CDS2: variants seen among roughly 807,000 people sequenced by gnomAD.
The protein encoded by CDS2 is phosphatidate cytidylyltransferase 2.
CDS2 carries 47 observed loss-of-function variants against 59.0 expected under a neutral mutation model. That is an observed-to-expected ratio of 0.80 (90% confidence interval 0.63 to 1.02). The LOEUF is 1.02. Ranked by LOEUF, CDS2 falls within the 50% of genes least tolerant of loss-of-function variation. The probability of loss-of-function intolerance (pLI) is 0.00; values close to 1 mark genes in which losing one functional copy is unlikely to be tolerated. For synonymous variants in CDS2, 207 were observed against 206.4 expected, an observed-to-expected ratio of 1.00 and a Z score of -0.02; for missense variants, 356 against 558.9, an observed-to-expected ratio of 0.64 and a Z score of 3.66.
chr20:5,144,806 G>A (rs1306504366), intron 1 of CDS2, among the ~76,000 whole-genome samples: 13 of 152,032 alleles, frequency 8.6e-5, no homozygotes, highest in Admixed American at 8.5e-4. Context: ...AATGTTAACT[G>A]CAGAGGGTTT....
rs541733288 is a variant in CDS2, at chr20:5,184,646, G to A, written c.672-212G>A. Among the ~76,000 whole-genome samples the A allele has an allele frequency of 2.0e-5, 3 of 152,300 alleles. No individual in the cohort carries two copies. The highest frequency in any genetic ancestry group is 2.0e-4 in the Admixed American group (3 of 15,298). On this transcript the variant is annotated intron_variant, in intron 7 of 12. Coordinates refer to ENST00000460006, the MANE Select transcript of CDS2 (RefSeq NM_003818.4). This position sits in a 1 kb window ranked among gnomAD's most constrained non-coding sequence, Gnocchi z 4.3. The stretch of plus-strand genomic sequence containing the variant: ...TTAGTTTGCAACCTCCACTTATTCA[G>A]TAGTCATTCAGTAAACACTTGAATA...
intron 1 of CDS2, among the ~76,000 whole-genome samples, chr20:5,159,572 T>C (rs2090861159): frequency 6.6e-6 from 1 of 152,194 alleles, no homozygotes; most frequent in African/African-American, 2.4e-5. Flanking sequence ...TTTAGGTGTT[T>C]TGATGTTCAT....
At chr20:5,183,245 A>G in intron 7 of CDS2, 102 bp downstream of exon 7, 2 of 938,628 alleles carry the variant, frequency 2.1e-6, no homozygotes. Context: ...CCACATCAGA[A>G]TCCTCTGCAG....
At chr20:5,138,888 A>C (rs751548255) in intron 1 of CDS2, among the ~76,000 whole-genome samples, 9 of 152,170 alleles carry the variant, frequency 5.9e-5, no homozygotes, top group Non-Finnish European at 1.2e-4. Context: ...GCAGATTCAC[A>C]GATATTTTTT....
At chr20:5,178,597 G>C (rs971688662) in intron 4 of CDS2, among the ~76,000 whole-genome samples, 1 of 152,166 alleles carries the variant, frequency 6.6e-6, no homozygotes, top group Non-Finnish European at 1.5e-5. Context: ...GAGAAATGGA[G>C]AGTGAATGAA....
chr20:5,182,986 T>G, intron 6 of CDS2, 75 bp from the exon 7 acceptor site: 2 of 1,192,406 alleles, frequency 1.7e-6, no homozygotes, highest in Non-Finnish European at 2.5e-6. Context: ...CAGTTTTCTA[T>G]TTGGTATTGA....
At chr20:5,132,025 T>G (rs2090611576) in intron 1 of CDS2, among the ~76,000 whole-genome samples, 1 of 152,212 alleles carries the variant, frequency 6.6e-6, no homozygotes, top group Admixed American at 6.5e-5. Flanking sequence ...CCTATTCATA[T>G]TCATTACCTT....
intron 1 of CDS2, among the ~76,000 whole-genome samples, chr20:5,164,429 C>T (rs2090899023): frequency 6.6e-6 from 1 of 152,034 alleles, no homozygotes; most frequent in African/African-American, 2.4e-5. Context: ...AAGCAGGTAC[C>T]AGATGGCGAT....
intron 1 of CDS2, among the ~76,000 whole-genome samples, chr20:5,157,867 G>A (rs1208634474): frequency 2.0e-5 from 3 of 152,134 alleles, no homozygotes; most frequent in Admixed American, 6.6e-5. Context: ...GCAGACCACC[G>A]TAGGCCAAGA....
chr20:5,187,301 G>A (rs1217856297), intron 10 of CDS2: 4 of 181,322 alleles, frequency 2.2e-5, no homozygotes, highest in African/African-American at 9.3e-5. Flanking sequence ...AAATAGTAAA[G>A]TTACTAATTT....
intron 6 of CDS2, 74 bp downstream of exon 6, chr20:5,182,519 C>A: frequency 1.5e-6 from 2 of 1,348,042 alleles, no homozygotes; most frequent in South Asian, 2.5e-5. Flanking sequence ...ACAAGCCTTT[C>A]ATGCTTTCTG....
In CDS2 at chr20:5,189,096, T is replaced by C. The variant is rs1600519548; in HGVS notation, c.1011T>C (p.Ile337=). 1 of 1,614,200 alleles carries C rather than the reference T, an allele frequency of 6.2e-7. No individual in the cohort carries two copies. The change falls in exon 11 of 13, where the codon ATT becomes ATC. Residue 337 remains isoleucine, a synonymous_variant. Transcript: ENST00000460006. ...CGGTCCGGATGTACCCCTTCCAGAT[T>C]CACAGCATCGCTCTCTCCACCTTTG... is the stretch of plus-strand genomic sequence containing the variant. The part of the protein sequence containing the change: ...WKTVRMYPFQ[I]HSIALSTFAS...
intron 10 of CDS2, among the ~76,000 whole-genome samples, chr20:5,188,836 C>G (rs1288186086): frequency 9.2e-5 from 14 of 152,122 alleles, no homozygotes; most frequent in Admixed American, 9.2e-4. Flanking sequence ...TCATAACAAC[C>G]CATTCCCTCG....
Position 5,127,143 on chromosome 20 carries a change from G to T in CDS2, c.51G>T (p.Glu17Asp), listed in dbSNP as rs1353105288. The change falls in exon 1 of 13, where the codon GAG becomes GAT. Residue 17 changes from glutamate (E) to aspartate (D), a missense_variant. Transcript: ENST00000460006. ...RVAHEPVAPP[E>D]DKESESEAKV... ...CCCATGAGCCGGTTGCGCCACCCGA[G>T]GACAAGGTAGCGGCAGCGTCGGGGT... 2.0e-6 allele frequency: 3 copies of T among 1,492,906 alleles called. No individual in the cohort carries two copies. The highest frequency in any genetic ancestry group is 2.7e-6 in the Non-Finnish European group (3 of 1,119,960). The allele number at this position is 1,492,906 out of a possible 1,614,324, so 92.5% of individuals were successfully genotyped here.
At chr20:5,132,908 C>T (rs1210388495) in intron 1 of CDS2, among the ~76,000 whole-genome samples, 2 of 151,998 alleles carry the variant, frequency 1.3e-5, no homozygotes, top group Non-Finnish European at 2.9e-5. Context: ...CGCGGTGGCT[C>T]ACGCCTGTAA....
intron 1 of CDS2, among the ~76,000 whole-genome samples, chr20:5,152,695 A>G (rs2090802213): frequency 6.6e-6 from 1 of 152,194 alleles, no homozygotes; most frequent in African/African-American, 2.4e-5. Flanking sequence ...GTGAGCCAAG[A>G]TTGCGCCATT....
Position 5,186,812 on chromosome 20 carries a change from T to C in CDS2, c.954T>C (p.Pro318=). 1 of 1,614,116 alleles carries C rather than the reference T, an allele frequency of 6.2e-7. No homozygotes were observed. The highest frequency in any genetic ancestry group is 8.5e-7 in the Non-Finnish European group (1 of 1,180,018). ...DLFRLQEYNI[P]GVIQSVIGWK... ...TTCGCCTGCAGGAGTACAACATTCC[T>C]GGGGTGATCCAGTCAGTCATTGGCT... is the stretch of plus-strand genomic sequence containing the variant. Residue 318 remains proline (P), a synonymous_variant, in exon 10 of 13, where the codon CCT becomes CCC. Coordinates refer to ENST00000460006, the MANE Select transcript of CDS2 (RefSeq NM_003818.4).
intron 8 of CDS2, among the ~76,000 whole-genome samples, chr20:5,185,500 G>C (rs1037285550): frequency 1.3e-5 from 2 of 152,122 alleles, no homozygotes; most frequent in Non-Finnish European, 2.9e-5. Flanking sequence ...CTTTGATCTG[G>C]ATTTGAGTGT....
intron 1 of CDS2, among the ~76,000 whole-genome samples, chr20:5,163,642 T>C (rs2090891950): frequency 6.6e-6 from 1 of 152,242 alleles, no homozygotes; most frequent in South Asian, 2.1e-4. Flanking sequence ...ATTATTTTAA[T>C]GCTCAAATTG....
Sources: gnomAD v4.1 joint callset for allele counts (sites outside exome capture counted in the v4.1 genomes callset) on GRCh38, gnomAD v4.1.1 for gene constraint, Gnocchi (gnomAD v3.1) non-coding constraint, MANE v1.5 for transcripts, NCBI Gene and HGNC (gene_info 2026-07-23, HGNC 2026-07-21) for gene names.